The following STK3 variants were observed in gnomAD, a reference collection of about 807,000 sequenced individuals.
STK3 encodes serine/threonine kinase 3, also known as serine/threonine-protein kinase 3.
In STK3, 41 loss-of-function variants were observed where a neutral mutation model predicts 58.0. That is an observed-to-expected ratio of 0.71 (90% CI 0.55 to 0.92). STK3 has a LOEUF of 0.92. Among genes scored for constraint, STK3 ranks in the 40% least tolerant of loss-of-function variants. The probability of loss-of-function intolerance (pLI) is 0.00; values close to 1 mark genes in which losing one functional copy is unlikely to be tolerated. For synonymous variants in STK3, 170 were observed against 191.0 expected (o/e 0.89, Z 0.91); for missense variants, 479 against 602.7 (o/e 0.79, Z 2.15).
At chr8:98,704,685 ACT>A (rs1178203265) in intron 6 of STK3, among the ~76,000 whole-genome samples, 1 of 152,174 alleles carries the variant, frequency 6.6e-6, no homozygotes, top group Admixed American at 6.5e-5. Context: ...ATTCATTCAA[ACT>A]CTCAGGTAAT....
chr8:98,932,014 C>T (rs550030105), intron 1 of STK3, among the ~76,000 whole-genome samples: 6 of 152,150 alleles, frequency 3.9e-5, no homozygotes, highest in Admixed American at 3.9e-4. Flanking sequence ...AGTCAGATAC[C>T]GAAGCCAGAT....
At chr8:98,398,868 G>A (rs890742424), downstream of STK3, among the ~76,000 whole-genome samples, 1 of 152,216 alleles carries the variant, frequency 6.6e-6, no homozygotes, top group Admixed American at 6.5e-5. Context: ...GTGATAAAGA[G>A]GCCACAGCGT....
intron 8 of STK3, among the ~76,000 whole-genome samples, chr8:98,549,887 G>T (rs1297512825): frequency 6.6e-6 from 1 of 152,018 alleles, no homozygotes; most frequent in Non-Finnish European, 1.5e-5. Context: ...TGTGCCTGTA[G>T]TCCTAGCTAC....
chr8:98,720,582 C>T (rs947619172), intron 4 of STK3, among the ~76,000 whole-genome samples: 1 of 151,996 alleles, frequency 6.6e-6, no homozygotes, highest in Non-Finnish European at 1.5e-5. Flanking sequence ...AACCCCGTCT[C>T]TACCAAAAGT....
the STK3 span, among the ~76,000 whole-genome samples, chr8:98,361,779 A>T: frequency 6.6e-6 from 1 of 152,180 alleles, no homozygotes; most frequent in African/African-American, 2.4e-5. Flanking sequence ...ACCTAGGAAC[A>T]AGGTGGTTTT....
chr8:98,523,333 T>C (rs1260077099), intron 10 of STK3, among the ~76,000 whole-genome samples: 1 of 152,124 alleles, frequency 6.6e-6, no homozygotes, highest in Non-Finnish European at 1.5e-5. Flanking sequence ...TTATTAGCCA[T>C]GCTTATCTTC....
At chr8:98,923,852 TGTGCGCGCGCGCGCGC>T (rs756810226) in intron 1 of STK3, among the ~76,000 whole-genome samples, 4,974 of 128,344 alleles carry the variant, frequency 0.039, 111 homozygotes, top group Non-Finnish European at 0.054. Flanking sequence ...TGTGTGTGTG[TGTGCGCGCGCGCGCGC>T]GCGCGCGCGT....
chr8:98,787,088 G>C (rs766982412), intron 1 of STK3, among the ~76,000 whole-genome samples: 4 of 130,030 alleles, frequency 3.1e-5, no homozygotes, highest in Non-Finnish European at 6.2e-5. Context: ...AGAATCACTT[G>C]AACCCAGGAG....
intron 6 of STK3, among the ~76,000 whole-genome samples, chr8:98,627,168 C>T (rs1818782849): frequency 6.6e-6 from 1 of 152,086 alleles, no homozygotes; most frequent in African/African-American, 2.4e-5. Context: ...CACTTGAACT[C>T]AGGGGTTCAA....
At chr8:98,598,430 G>C in intron 6 of STK3, 1 of 984,646 alleles carries the variant, frequency 1.0e-6, no homozygotes, top group Non-Finnish European at 1.2e-6. Context: ...AAACAAATAA[G>C]TCTTAGCGTA....
intron 10 of STK3, among the ~76,000 whole-genome samples, chr8:98,523,813 C>A (rs1021066298): frequency 2.6e-5 from 4 of 152,202 alleles, no homozygotes; most frequent in African/African-American, 7.2e-5. Context: ...CCATTGGTTG[C>A]CCTCCACTCT....
intron 1 of STK3, among the ~76,000 whole-genome samples, chr8:98,814,033 G>A (rs1834385546): frequency 6.6e-6 from 1 of 152,044 alleles, no homozygotes; most frequent in Non-Finnish European, 1.5e-5. Context: ...ACTAAAAAAG[G>A]CAACTGAATC....
chr8:98,539,765 T>C (rs1219554655), intron 9 of STK3, among the ~76,000 whole-genome samples: 1 of 151,966 alleles, frequency 6.6e-6, no homozygotes, highest in Non-Finnish European at 1.5e-5. Flanking sequence ...TTCTTTTTTG[T>C]TTTTCTGAGA....
At chr8:98,750,111 A>T (rs1277452745) in intron 3 of STK3, among the ~76,000 whole-genome samples, 7 of 152,190 alleles carry the variant, frequency 4.6e-5, no homozygotes, top group Non-Finnish European at 7.4e-5. Flanking sequence ...AGAAAATACA[A>T]GACAGCAGAA....
At chr8:98,555,994 T>A (rs1389120216) in intron 8 of STK3, among the ~76,000 whole-genome samples, 2 of 151,978 alleles carry the variant, frequency 1.3e-5, no homozygotes. Context: ...CACTTAAAAT[T>A]GGGAATTTTG....
chr8:98,368,635 C>CACACTAAG (rs1817585855), downstream of STK3, among the ~76,000 whole-genome samples: 1 of 152,168 alleles, frequency 6.6e-6, no homozygotes, highest in Non-Finnish European at 1.5e-5. Flanking sequence ...CCTATGTCTC[C>CACACTAAG]TGCATTCACA....
intron 6 of STK3, 64 bp downstream of exon 6, chr8:98,706,403 T>C (rs1825963288): frequency 2.1e-6 from 3 of 1,446,868 alleles, no homozygotes; most frequent in Non-Finnish European, 2.8e-6. Flanking sequence ...TTACTTACAT[T>C]GACATTACAA....
chr8:98,911,591 A>G (rs1458496944), intron 1 of STK3, among the ~76,000 whole-genome samples: 1 of 152,000 alleles, frequency 6.6e-6, no homozygotes, highest in Non-Finnish European at 1.5e-5. Context: ...ACGGGGTTTC[A>G]TCGTGTTGGC....
At chr8:98,838,074 CAAAAAAAAAAAAA>C (rs58973724) in intron 3 of STK3, among the ~76,000 whole-genome samples, 2 of 58,774 alleles carry the variant, frequency 3.4e-5, no homozygotes, top group Non-Finnish European at 6.7e-5. Context: ...ACTAAAAATA[CAAAAAAAAAAAAA>C]AAAAAAAAAG....
Sources: gnomAD v4.1 joint callset for allele counts (sites outside exome capture counted in the v4.1 genomes callset) on GRCh38, gnomAD v4.1.1 for gene constraint, MANE v1.5 for transcripts, NCBI Gene and HGNC (gene_info 2026-07-23, HGNC 2026-07-21) for gene names.